FGGY: variants seen among roughly 807,000 people sequenced by gnomAD.
The protein encoded by FGGY is FGGY carbohydrate kinase domain containing, also known as FGGY carbohydrate kinase domain-containing protein.
In FGGY, 72 loss-of-function variants were observed where a neutral mutation model predicts 71.3. The observed-to-expected ratio is 1.01, with a 90% CI of 0.84 to 1.23. The LOEUF (loss-of-function observed/expected upper bound fraction) is 1.23. FGGY is among the 50% of genes most tolerant of loss of function. The pLI, the probability that FGGY is intolerant of heterozygous loss-of-function variation, is 0.00. For missense variants in FGGY, 668 were observed against 682.3 expected, an observed-to-expected ratio of 0.98 and a Z score of 0.23; for synonymous variants, 251 against 250.3, an observed-to-expected ratio of 1.00 and a Z score of -0.02.
intron 5 of FGGY, among the ~76,000 whole-genome samples, chr1:59,426,484 A>G (rs949676713): frequency 6.6e-6 from 1 of 152,210 alleles, no homozygotes; most frequent in African/African-American, 2.4e-5. Context: ...CAAAAATACC[A>G]GTAATTCAGG....
At chr1:59,308,996 C>CA (rs550543440) in intron 1 of FGGY, among the ~76,000 whole-genome samples, 1 of 151,812 alleles carries the variant, frequency 6.6e-6, no homozygotes, top group South Asian at 2.1e-4. Flanking sequence ...CTTGCCTTTA[C>CA]AAAAAAAGGT....
chr1:59,437,228 C>G (rs911148008), intron 5 of FGGY, among the ~76,000 whole-genome samples: 3 of 152,200 alleles, frequency 2.0e-5, no homozygotes, highest in Admixed American at 6.5e-5. Context: ...TCTGCCATGA[C>G]CACCAGGTTG....
chr1:59,396,864 G>A (rs1382344857), intron 5 of FGGY, among the ~76,000 whole-genome samples: 1 of 152,158 alleles, frequency 6.6e-6, no homozygotes, highest in Non-Finnish European at 1.5e-5. Context: ...GATAGAGTTA[G>A]TCACTAGCAT....
chr1:59,686,705 C>G (rs1206090515), intron 14 of FGGY, among the ~76,000 whole-genome samples: 1 of 152,024 alleles, frequency 6.6e-6, no homozygotes, highest in East Asian at 1.9e-4. Flanking sequence ...ATCTAGTACC[C>G]TCTCTTTTAC....
chr1:59,613,488 C>A (rs1320868461), intron 9 of FGGY, among the ~76,000 whole-genome samples: 3 of 152,018 alleles, frequency 2.0e-5, no homozygotes, highest in East Asian at 1.9e-4. Context: ...TCTGGGACAC[C>A]TTCAAAGTAG....
chr1:59,375,070 A>AT (rs1396072916), intron 4 of FGGY, among the ~76,000 whole-genome samples: 47 of 144,142 alleles, frequency 3.3e-4, no homozygotes, highest in African/African-American at 1.3e-3. Flanking sequence ...TATAATAATA[A>AT]TAAAAAAAAA....
At chr1:59,316,577 AAGAATC>A (rs2045496825) in intron 1 of FGGY, among the ~76,000 whole-genome samples, 1 of 152,118 alleles carries the variant, frequency 6.6e-6, no homozygotes, top group Non-Finnish European at 1.5e-5. Context: ...ACATTTGTTG[AAGAATC>A]AGCCACAAAG....
chr1:59,437,172 T>C (rs183701113), intron 5 of FGGY, among the ~76,000 whole-genome samples: 2 of 152,330 alleles, frequency 1.3e-5, no homozygotes, highest in East Asian at 3.9e-4. Flanking sequence ...ATTTTTATTG[T>C]TTCCTGAGGA....
At chr1:59,434,649 G>A (rs189561426) in intron 5 of FGGY, among the ~76,000 whole-genome samples, 40 of 152,312 alleles carry the variant, frequency 2.6e-4, no homozygotes, top group Admixed American at 2.0e-4. Context: ...TTTATTCCAT[G>A]TCTGGTGAGG....
At chr1:59,589,771 G>C (rs2096391307) in intron 8 of FGGY, among the ~76,000 whole-genome samples, 1 of 152,008 alleles carries the variant, frequency 6.6e-6, no homozygotes, top group African/African-American at 2.4e-5. Context: ...CAGAATCTCT[G>C]GGACATATTC....
intron 7 of FGGY, among the ~76,000 whole-genome samples, chr1:59,550,823 G>A (rs1008564678): frequency 3.9e-5 from 6 of 152,170 alleles, no homozygotes; most frequent in African/African-American, 1.4e-4. Flanking sequence ...AAGAACATAA[G>A]CTTTGGAGTC....
At chr1:59,431,778 C>T (rs962437556) in intron 5 of FGGY, among the ~76,000 whole-genome samples, 2 of 152,176 alleles carry the variant, frequency 1.3e-5, no homozygotes, top group Non-Finnish European at 2.9e-5. Context: ...TGACACAGAG[C>T]TCCTAAAAGC....
At chr1:59,472,258 G>A (rs574167600) in intron 6 of FGGY, among the ~76,000 whole-genome samples, 1 of 152,352 alleles carries the variant, frequency 6.6e-6, no homozygotes, top group African/African-American at 2.4e-5. Context: ...GGCAGTGAGG[G>A]GCTTAGCACC....
intron 2 of FGGY, among the ~76,000 whole-genome samples, chr1:59,326,507 A>G (rs969948190): frequency 4.6e-5 from 7 of 152,198 alleles, no homozygotes; most frequent in Non-Finnish European, 1.0e-4. Flanking sequence ...TGTTATTCCC[A>G]TTTACATTTG....
intron 4 of FGGY, among the ~76,000 whole-genome samples, chr1:59,363,705 G>C (rs1211052425): frequency 6.6e-6 from 1 of 152,218 alleles, no homozygotes; most frequent in Non-Finnish European, 1.5e-5. Context: ...GATGCTGACA[G>C]GTGAAGGTGT....
At chr1:59,643,142 A>G (rs913431530) in intron 11 of FGGY, among the ~76,000 whole-genome samples, 1 of 152,180 alleles carries the variant, frequency 6.6e-6, no homozygotes, top group Non-Finnish European at 1.5e-5. Flanking sequence ...AACCAAAAGA[A>G]AATGTTAGAG....
chr1:59,588,285 G>A (rs2096352408), intron 8 of FGGY, among the ~76,000 whole-genome samples: 1 of 152,070 alleles, frequency 6.6e-6, no homozygotes, highest in Non-Finnish European at 1.5e-5. Flanking sequence ...CAAGAAATAT[G>A]GGACTATGTG....
At chr1:59,567,735 G>A (rs1314737327) in intron 8 of FGGY, among the ~76,000 whole-genome samples, 1 of 151,668 alleles carries the variant, frequency 6.6e-6, no homozygotes, top group Non-Finnish European at 1.5e-5. Context: ...CTTCTGTGGT[G>A]TGCAGAACAC....
chr1:59,650,246 C>G (rs1186075133), intron 11 of FGGY, among the ~76,000 whole-genome samples: 2 of 145,538 alleles, frequency 1.4e-5, no homozygotes, highest in Non-Finnish European at 2.9e-5. Flanking sequence ...GGTTTGGTAT[C>G]AGGATGATGC....
Sources: gnomAD v4.1 joint callset for allele counts (sites outside exome capture counted in the v4.1 genomes callset) on GRCh38, gnomAD v4.1.1 for gene constraint, MANE v1.5 for transcripts, NCBI Gene and HGNC (gene_info 2026-07-23, HGNC 2026-07-21) for gene names.